SYT17: variants seen among roughly 807,000 people sequenced by gnomAD.
SYT17 encodes synaptotagmin 17, also known as synaptotagmin-17.
Under a neutral mutation model 46.7 loss-of-function variants are expected in SYT17, and 22 were observed. That is an observed-to-expected ratio of 0.47 (90% CI 0.34 to 0.67). SYT17 has a LOEUF of 0.67. SYT17 is among the 30% of genes least tolerant of loss of function. The pLI is 0.01. For missense variants in SYT17, 519 were observed against 612.8 expected (o/e 0.85, Z 1.62); for synonymous variants, 251 against 248.4 (o/e 1.01, Z -0.10).
rs143655224 is a variant in SYT17, at chr16:19,222,939, G to A, written c.952-106G>A. ...AGAGGCTCCCACTGTCAACTGATGC[G>A]CTCACAGCAACCTGTTTGTGAGCTG... On this transcript the variant is annotated intron_variant, in intron 5 of 7. Transcript: ENST00000355377. The A allele has an allele frequency of 1.9e-3, 2,829 of 1,482,060 alleles. 19 individuals carry two copies. Among genetic ancestry groups the A allele is most frequent in the East Asian group, 1.3e-3 (55 of 43,778 alleles). 91.8% of individuals were successfully genotyped at this position (1,482,060 alleles called of 1,614,324 possible). A position where few individuals can be genotyped will look rare whatever the true frequency, so the allele number is the denominator to read the frequency against.
At chr16:19,204,125 T>C (rs574227554) in intron 5 of SYT17, among the ~76,000 whole-genome samples, 1 of 152,264 alleles carries the variant, frequency 6.6e-6, no homozygotes, top group East Asian at 1.9e-4. Flanking sequence ...TTGGCACTCG[T>C]CACACCTTGG....
chr16:19,236,397 G>A (rs961362780), intron 7 of SYT17, among the ~76,000 whole-genome samples: 2 of 152,098 alleles, frequency 1.3e-5, no homozygotes, highest in Non-Finnish European at 1.5e-5. Flanking sequence ...GCTTAGGGAC[G>A]GGAAGTGCAA....
intron 5 of SYT17, among the ~76,000 whole-genome samples, chr16:19,220,303 C>CTTTCTTTTTTTTTTTTTTTTTTT (rs776097400): frequency 6.2e-5 from 5 of 80,516 alleles, no homozygotes; most frequent in Admixed American, 1.7e-4. Context: ...TTCTTTCTTT[C>CTTTCTTTTTTTTTTTTTTTTTTT]TTTTTTTTTT....
chr16:19,203,217 G>A (rs185074515), intron 5 of SYT17, among the ~76,000 whole-genome samples: 17 of 152,182 alleles, frequency 1.1e-4, no homozygotes, highest in African/African-American at 2.4e-4. Flanking sequence ...TTGGCCAGGC[G>A]CAGTGGCTCA....
intron 5 of SYT17, among the ~76,000 whole-genome samples, chr16:19,189,690 C>T (rs1196192857): frequency 1.3e-5 from 2 of 152,170 alleles, no homozygotes; most frequent in Non-Finnish European, 2.9e-5. Context: ...CTGCCTTCAC[C>T]AAATTGGTTG....
Position 19,193,587 on chromosome 16 carries a change from G to A in SYT17, c.951+9440G>A, listed in dbSNP as rs963854765. Among the ~76,000 whole-genome samples the A allele has an allele frequency of 1.1e-4, 16 of 152,294 alleles. No homozygotes were observed. In the East Asian group the frequency reaches 3.1e-3, roughly 29 times the overall value. On this transcript the variant is annotated intron_variant, in intron 5 of 7. Coordinates refer to ENST00000355377, the MANE Select transcript of SYT17 (RefSeq NM_016524.4). ...TCTTCTCCAGTGTCTGCTGACACCTGGGAAAGTCATCTGTTATCCTAGGTT... is the reference window on the plus strand; with the variant it reads ...TCTTCTCCAGTGTCTGCTGACACCTAGGAAAGTCATCTGTTATCCTAGGTT...
chr16:19,172,969 A>C (rs1221769062), intron 2 of SYT17, 192 bp downstream of exon 2: 8 of 659,284 alleles, frequency 1.2e-5, no homozygotes, highest in Non-Finnish European at 2.1e-5. Flanking sequence ...TGACAAGACA[A>C]GTTTCCCTCT....
At chr16:19,210,785 G>A (rs1965870180) in intron 5 of SYT17, among the ~76,000 whole-genome samples, 1 of 152,116 alleles carries the variant, frequency 6.6e-6, no homozygotes, top group Non-Finnish European at 1.5e-5. Context: ...AAAGGCATAA[G>A]GGGGCGCAGA....
chr16:19,252,360 T>C (rs187328316), intron 7 of SYT17, among the ~76,000 whole-genome samples: 1,154 of 16,922 alleles, frequency 0.068, 427 homozygotes, highest in South Asian at 0.087. Context: ...CATATACACA[T>C]ATATATATAC....
rs552512317 is a variant in SYT17 at position 19,267,574 on chromosome 16, T to C, written c.*498T>C. The C allele has an allele frequency of 6.6e-6, 1 of 152,558 alleles. No individual in the cohort carries two copies. Among genetic ancestry groups the C allele is most frequent in the Admixed American group, 6.5e-5 (1 of 15,316 alleles). 9.5% of individuals were successfully genotyped at this position (152,558 alleles called of 1,614,324 possible). Reference sequence around the variant, plus strand: ...GTTCCCTGGGGTTCTTCAAACCTGATACCTTTCTCCAAAGGTGTAAGTATC... The same window carrying C: ...GTTCCCTGGGGTTCTTCAAACCTGACACCTTTCTCCAAAGGTGTAAGTATC... On this transcript the variant is annotated 3_prime_UTR_variant, in exon 8 of 8. Transcript: ENST00000355377.
chr16:19,168,642 C>G lies in SYT17; in HGVS notation c.-5C>G. 1.3e-6 allele frequency: 2 copies of G among 1,537,030 alleles called. No individual in the cohort carries two copies. Among genetic ancestry groups the G allele is most frequent in the Non-Finnish European group, 8.8e-7 (1 of 1,140,050 alleles). On this transcript the variant is annotated 5_prime_UTR_variant, in exon 1 of 8. Transcript: ENST00000355377. The surrounding 1 kb of genome is among the most constrained non-coding windows in gnomAD (Gnocchi z 6.9). ...CCGGGCCGGAGTGAGTGCGCGCGGG[C>G]GAAAATGGCGTACATCCAGGTAGGG...
chr16:19,190,186 A>G (rs1461710186), intron 5 of SYT17, among the ~76,000 whole-genome samples: 1 of 152,218 alleles, frequency 6.6e-6, no homozygotes, highest in Non-Finnish European at 1.5e-5. Flanking sequence ...ATTAGCTAAC[A>G]TGGTGAAACC....
chr16:19,257,649 C>T (rs571560313), intron 7 of SYT17, among the ~76,000 whole-genome samples: 1 of 152,294 alleles, frequency 6.6e-6, no homozygotes, highest in South Asian at 2.1e-4. Context: ...GGGGACCTCT[C>T]GGCCATGAGG....
At chr16:19,170,757 A>G (rs1964049376) in intron 1 of SYT17, 1 of 152,186 alleles carries the variant, frequency 6.6e-6, no homozygotes, top group South Asian at 2.1e-4. Flanking sequence ...GATTATTATG[A>G]AAAAGTATCA....
At chr16:19,196,352 C>T (rs1433537899) in intron 5 of SYT17, among the ~76,000 whole-genome samples, 1 of 151,802 alleles carries the variant, frequency 6.6e-6, no homozygotes, top group Non-Finnish European at 1.5e-5. Flanking sequence ...AAGCATTTCT[C>T]CTGCCTCAGC....
In SYT17 at chr16:19,183,492, G is replaced by T. The variant is rs912738104; in HGVS notation, c.332-36G>T. On this transcript the variant is annotated intron_variant, in intron 4 of 7. Transcript: ENST00000355377. The surrounding 1 kb of genome is among the most constrained non-coding windows in gnomAD (Gnocchi z 5.6). ...AAAGTGGCCCAGGTCTGCCCCGTAT[G>T]TGGCTGTCTTCATTGTTATTTCTGG... 3.1e-6 allele frequency: 5 copies of T among 1,610,140 alleles called. No individual in the cohort carries two copies. In the African/African-American group the frequency reaches 6.7e-5, roughly 22 times the overall value.
chr16:19,258,822 C>T (rs928013047), intron 7 of SYT17, among the ~76,000 whole-genome samples: 5 of 152,062 alleles, frequency 3.3e-5, no homozygotes, highest in Admixed American at 1.3e-4. Context: ...GCTCTGGAGG[C>T]TTGATGTGAT....
intron 7 of SYT17, among the ~76,000 whole-genome samples, chr16:19,242,735 C>T (rs1967225997): frequency 1.3e-5 from 2 of 151,914 alleles, no homozygotes; most frequent in African/African-American, 2.4e-5. Context: ...CGCCATGTTG[C>T]CCAGGCTGGT....
At chr16:19,192,947 A>C (rs745443950) in intron 5 of SYT17, among the ~76,000 whole-genome samples, 1 of 152,170 alleles carries the variant, frequency 6.6e-6, no homozygotes, top group Non-Finnish European at 1.5e-5. Flanking sequence ...ATGAATCTGC[A>C]CTTGAGCCAA....
Sources: gnomAD v4.1 joint callset for allele counts (sites outside exome capture counted in the v4.1 genomes callset) on GRCh38, gnomAD v4.1.1 for gene constraint, Gnocchi (gnomAD v3.1) non-coding constraint, MANE v1.5 for transcripts, NCBI Gene and HGNC (gene_info 2026-07-23, HGNC 2026-07-21) for gene names.